The following ABCC8 variants were observed in gnomAD, a reference collection of about 807,000 sequenced individuals.
ABCC8 encodes the protein ATP binding cassette subfamily C member 8.
ABCC8 carries 137 observed loss-of-function variants against 188.0 expected under a neutral mutation model. That is an observed-to-expected ratio of 0.73 (90% confidence interval 0.63 to 0.84). The LOEUF is 0.84. Ranked by LOEUF, ABCC8 falls within the 40% of genes least tolerant of loss-of-function variation. The pLI is 0.00. For synonymous variants in ABCC8, 797 were observed against 846.5 expected (o/e 0.94, Z 1.01); for missense variants, 1,750 against 2,072.7 (o/e 0.84, Z 3.02).
Position 17,392,974 on chromosome 11 carries a change from A to C in ABCC8, c.*17T>G. 1 of 1,613,920 alleles carries C rather than the reference A, an allele frequency of 6.2e-7. No individual in the cohort carries two copies. The highest frequency in any genetic ancestry group is 8.5e-7 in the Non-Finnish European group (1 of 1,179,970). On this transcript the variant is annotated 3_prime_UTR_variant, in exon 39 of 39. Coordinates refer to ENST00000389817, the MANE Select transcript of ABCC8 (RefSeq NM_000352.6). ...GGGCAGGGTCCGAATGTGGGATGGC[A>C]CTTGGGCTCTGGCAGGTCACTTGTC...
At chr11:17,455,770 TCTA>T (rs1308440086) in intron 6 of ABCC8, among the ~76,000 whole-genome samples, 51 of 151,600 alleles carry the variant, frequency 3.4e-4, no homozygotes, top group African/African-American at 1.2e-3. Context: ...AAACCCTGTT[TCTA>T]CTAAAAATAC....
At chr11:17,400,816 C>T (rs1434876875) in intron 29 of ABCC8, among the ~76,000 whole-genome samples, 1 of 152,154 alleles carries the variant, frequency 6.6e-6, no homozygotes, top group Non-Finnish European at 1.5e-5. Context: ...TTATGTGGTC[C>T]TTGTGAGGAT....
chr11:17,443,719 GC>G (rs1184555794), intron 8 of ABCC8, among the ~76,000 whole-genome samples: 2 of 152,288 alleles, frequency 1.3e-5, no homozygotes, highest in Admixed American at 1.3e-4. Flanking sequence ...GAGCAAAGAG[GC>G]AAAGTTACTG....
chr11:17,456,763 ATGAAGGG>A, intron 6 of ABCC8, among the ~76,000 whole-genome samples: 1 of 152,194 alleles, frequency 6.6e-6, no homozygotes, highest in Non-Finnish European at 1.5e-5. Flanking sequence ...AGGTGAGGCT[ATGAAGGG>A]ACTTCAGAGA....
At chr11:17,457,254 G>A (rs1397914883) in intron 6 of ABCC8, among the ~76,000 whole-genome samples, 1 of 151,960 alleles carries the variant, frequency 6.6e-6, no homozygotes, top group African/African-American at 2.4e-5. Context: ...ATCCAAACGG[G>A]GGCATAGACA....
Position 17,427,037 on chromosome 11 carries a change from T to C in ABCC8, c.2222+12A>G, listed in dbSNP as rs534103042. 2.0e-4 allele frequency: 324 copies of C among 1,613,328 alleles called. 2 individuals are homozygous for C. The South Asian group carries it at 3.2e-3, about 16-fold the overall frequency. On this transcript the variant is annotated intron_variant, in intron 16 of 38. Transcript: ENST00000389817. This position sits in a 1 kb window ranked among gnomAD's most constrained non-coding sequence, Gnocchi z 5.0. ...TTTCCCCTCCACTGGGCCCTGAGGA[T>C]ACATGTATTACCTGCTCCAGAAGAC...
Position 17,397,010 on chromosome 11 carries a change from C to T in ABCC8, c.4025G>A (p.Gly1342Glu). Residue 1342 changes from glycine (G) to glutamate (E), a missense_variant, in exon 33 of 39, where the codon GGG becomes GAG. Transcript: ENST00000389817. ...GCTCAGGTTCTGGATCTGGATCTTC[C>T]CTTGGTCTGGCCAGTTCTTTGGGAT... The part of the protein sequence containing the change: ...SLIPKNWPDQ[G>E]KIQIQNLSVR... The T allele has an allele frequency of 2.5e-6, 4 of 1,614,198 alleles. No homozygotes were observed. The highest frequency in any genetic ancestry group is 3.4e-6 in the Non-Finnish European group (4 of 1,180,024).
chr11:17,470,784 A>G (rs1440051686), intron 2 of ABCC8, among the ~76,000 whole-genome samples: 1 of 152,202 alleles, frequency 6.6e-6, no homozygotes, highest in African/African-American at 2.4e-5. Context: ...GGGATGGGGA[A>G]TGGAGCAGTC....
Position 17,470,152 on chromosome 11 carries a change from C to T in ABCC8, c.361G>A (p.Val121Met). Residue 121 changes from valine to methionine, a missense_variant, in exon 3 of 39, where the codon GTG becomes ATG. By Grantham distance (21) the Val-to-Met change is conservative (BLOSUM62 1). Transcript: ENST00000389817. ...GTCTCGATGTTGTGATAGTAGACCA[C>T]GGAGGTGACAGCAGCCATGAACGCC... is the stretch of plus-strand genomic sequence containing the variant. ...GMAFMAAVTS[V>M]VYYHNIETSN... is the part of the protein sequence containing the mutation. 5.0e-6 allele frequency: 8 copies of T among 1,614,098 alleles called. No individual in the cohort carries two copies. The highest frequency in any genetic ancestry group is 2.2e-5 in the South Asian group (2 of 91,074).
In ABCC8 at chr11:17,404,943, A is replaced by G. The variant is rs1954444324; in HGVS notation, c.3400-274T>C. Among the ~76,000 whole-genome samples, 1 of 151,948 alleles carries G rather than the reference A, an allele frequency of 6.6e-6. No homozygotes were observed. The highest frequency in any genetic ancestry group is 2.4e-5 in the African/African-American group (1 of 41,372). ...CACCTGGCTAATTTTTGTATTTTTAATAGAGAAGGGGTTTCATCATGTTGG... is the reference window on the plus strand; with the variant it reads ...CACCTGGCTAATTTTTGTATTTTTAGTAGAGAAGGGGTTTCATCATGTTGG... On this transcript the variant is annotated intron_variant, in intron 27 of 38. Transcript: ENST00000389817. The surrounding 1 kb of genome is among the most constrained non-coding windows in gnomAD (Gnocchi z 4.7).
chr11:17,463,066 TACTC>T (rs1458866020), intron 4 of ABCC8, among the ~76,000 whole-genome samples: 3 of 152,048 alleles, frequency 2.0e-5, no homozygotes, highest in Non-Finnish European at 2.9e-5. Flanking sequence ...ACAAAACACT[TACTC>T]ATTCATTTAC....
At position 17,476,800 on chromosome 11, in the gene ABCC8, T is replaced by TCGGGCTCAG; in HGVS notation, c.-33_-25dup. ...ATGGCGGCGCGGGCGCGGGCTGGGCTCGGGCTCAGCTGGCTCCGCTGGCTC... is the reference window on the plus strand; with the variant it reads ...ATGGCGGCGCGGGCGCGGGCTGGGCTCGGGCTCAGCGGGCTCAGCTGGCTCCGCTGGCTC... On this transcript the variant is annotated 5_prime_UTR_variant, in exon 1 of 39. Transcript: ENST00000389817. The TCGGGCTCAG allele has an allele frequency of 1.3e-6, 2 of 1,528,822 alleles. No homozygotes were observed. Among genetic ancestry groups the TCGGGCTCAG allele is most frequent in the Non-Finnish European group, 1.8e-6 (2 of 1,138,124 alleles). 94.7% of individuals were successfully genotyped at this position (1,528,822 alleles called of 1,614,324 possible).
At position 17,470,098 on chromosome 11, in the gene ABCC8, T is replaced by C. The variant is rs764788630; in HGVS notation, c.412+3A>G. The C allele has an allele frequency of 1.2e-6, 2 of 1,614,126 alleles. No homozygotes were observed. The highest frequency in any genetic ancestry group is 2.2e-5 in the South Asian group (2 of 91,072). ...CTGCCCCTCCCTCCTACACCTCACC[T>C]ACCAATTAGCAGCTTGGGGAAGTTG... On this transcript the variant is annotated splice_donor_region_variant and intron_variant, in intron 3 of 38. Transcript: ENST00000389817.
intron 10 of ABCC8, chr11:17,435,718 A>G: frequency 7.3e-7 from 1 of 1,375,434 alleles, no homozygotes; most frequent in Non-Finnish European, 1.0e-6. Context: ...AAGAACCGGG[A>G]CAACCACTCC....
chr11:17,447,952 A>C (rs1466161016), intron 8 of ABCC8, among the ~76,000 whole-genome samples: 2 of 152,240 alleles, frequency 1.3e-5, no homozygotes, highest in Non-Finnish European at 2.9e-5. Context: ...TGTATACATA[A>C]CATATATTCC....
In ABCC8 at chr11:17,395,235, G is replaced by A. The variant is rs1033994566; in HGVS notation, c.4348C>T (p.Leu1450=). 1 of 1,599,610 alleles carries A rather than the reference G, an allele frequency of 6.3e-7. No homozygotes were observed. Among genetic ancestry groups the A allele is most frequent in the Admixed American group, 1.7e-5 (1 of 58,584 alleles). The change falls in exon 36 of 39, where the codon CTG becomes TTG. Residue 1450 remains leucine, a synonymous_variant. Transcript: ENST00000389817. Reference sequence around the variant, plus strand: ...TGGGCGATTTCCAGGGCCTCCCACAGTGTGCTATCTGAGCACTTCCTCTCA... The same window carrying A: ...TGGGCGATTTCCAGGGCCTCCCACAATGTGCTATCTGAGCACTTCCTCTCA... ...DPERKCSDST[L]WEALEIAQLK...
At chr11:17,428,725 G>C (rs1564925799) in intron 12 of ABCC8, 55 bp from the exon 13 acceptor site, 2 of 1,602,908 alleles carry the variant, frequency 1.2e-6, no homozygotes, top group East Asian at 4.5e-5. Context: ...GAGGGGAGGG[G>C]AGAGGGCGCA....
chr11:17,397,517 G>C, intron 31 of ABCC8, 167 bp downstream of exon 31: 2 of 1,399,582 alleles, frequency 1.4e-6, no homozygotes. Flanking sequence ...TCTGGGGCCT[G>C]GGCCCTGGGG....
intron 10 of ABCC8, among the ~76,000 whole-genome samples, chr11:17,439,231 T>A (rs1956218806): frequency 6.7e-6 from 1 of 149,762 alleles, no homozygotes; most frequent in Non-Finnish European, 1.5e-5. Context: ...ATTCATTCCC[T>A]TTTCAGCCCC....
Sources: allele counts gnomAD v4.1 joint callset (sites outside exome capture counted in the v4.1 genomes callset), GRCh38; gene constraint gnomAD v4.1.1; non-coding constraint Gnocchi (gnomAD v3.1); transcripts MANE v1.5; gene names NCBI Gene and HGNC (gene_info 2026-07-23, HGNC 2026-07-21).